Variants in SLC36A2 observed in about 807,000 individuals in gnomAD.
The protein encoded by SLC36A2 is solute carrier family 36 member 2.
A neutral mutation model predicts 42.7 loss-of-function variants in SLC36A2; 39 were observed. The observed-to-expected ratio is 0.91, with a 90% confidence interval of 0.71 to 1.19. The LOEUF (loss-of-function observed/expected upper bound fraction) is 1.19. Ranked by LOEUF, SLC36A2 falls within the 50% of genes most tolerant of loss-of-function variation. The pLI, the probability that SLC36A2 is intolerant of heterozygous loss-of-function variation, is 0.00. For missense variants in SLC36A2, 590 were observed against 613.7 expected (o/e 0.96, Z 0.41); for synonymous variants, 237 against 240.8 (o/e 0.98, Z 0.15).
rs933007460 is a variant in SLC36A2, at chr5:151,316,713, C to A, written c.*104G>T. 6 of 1,367,910 alleles carry A rather than the reference C, an allele frequency of 4.4e-6. No individual in the cohort carries two copies. Among genetic ancestry groups the A allele is most frequent in the African/African-American group, 3.6e-5 (2 of 55,470 alleles). The allele number at this position is 1,367,910 out of a possible 1,614,324, so 84.7% of individuals were successfully genotyped here. A position where few individuals can be genotyped will look rare whatever the true frequency, so the allele number is the denominator to read the frequency against. On this transcript the variant is annotated 3_prime_UTR_variant, in exon 10 of 10. Transcript: ENST00000335244. The stretch of plus-strand genomic sequence containing the variant: ...TGAGATCGCATCATTGTACTCCAGT[C>A]TGGGCAACAAGACAGAAACTCCGTC...
chr5:151,319,844 T>A (rs1042494635), intron 9 of SLC36A2: 1 of 152,404 alleles, frequency 6.6e-6, no homozygotes. Context: ...TCGAGGAATA[T>A]GCAGCTTGAG....
At chr5:151,323,924 G>A (rs1755777397) in intron 8 of SLC36A2, among the ~76,000 whole-genome samples, 2 of 152,140 alleles carry the variant, frequency 1.3e-5, no homozygotes, top group Non-Finnish European at 2.9e-5. Flanking sequence ...AGGCAAATTA[G>A]GTCTCCAAGG....
At chr5:151,321,693 T>C (rs1755695734) in intron 9 of SLC36A2, among the ~76,000 whole-genome samples, 1 of 150,696 alleles carries the variant, frequency 6.6e-6, no homozygotes, top group African/African-American at 2.4e-5. Flanking sequence ...TTTTTTTTTT[T>C]TTTTGAGATG....
At chr5:151,345,509 T>C (rs946044786) in intron 1 of SLC36A2, among the ~76,000 whole-genome samples, 9 of 152,082 alleles carry the variant, frequency 5.9e-5, no homozygotes, top group Admixed American at 2.0e-4. Context: ...GCTTCCTGAG[T>C]CTCTGTACAT....
rs1243767362 is a variant in SLC36A2 at position 151,315,748 on chromosome 5, C to G, written c.*1069G>C. ...CACATTATCACGAGGAATTTATGGT[C>G]ATTTTTGCAATATTCTACAAAATCT... On this transcript the variant is annotated 3_prime_UTR_variant, in exon 10 of 10. Coordinates refer to ENST00000335244, the MANE Select transcript of SLC36A2 (RefSeq NM_181776.3). 1 of 152,146 alleles carries G rather than the reference C, an allele frequency of 6.6e-6. No homozygotes were observed. Among genetic ancestry groups the G allele is most frequent in the Non-Finnish European group, 1.5e-5 (1 of 68,004 alleles). 9.4% of individuals were successfully genotyped at this position (152,146 alleles called of 1,614,324 possible).
Position 151,316,784 on chromosome 5 carries a change from T to C in SLC36A2, c.*33A>G. ...AAAAAGAGATCCATATAATTAAAAGTCGGGTGCTGGTAGGCAAGGAGCAGT... is the reference window on the plus strand; with the variant it reads ...AAAAAGAGATCCATATAATTAAAAGCCGGGTGCTGGTAGGCAAGGAGCAGT... On this transcript the variant is annotated 3_prime_UTR_variant, in exon 10 of 10. Coordinates refer to ENST00000335244, the MANE Select transcript of SLC36A2 (RefSeq NM_181776.3). The C allele has an allele frequency of 7.2e-7, 1 of 1,387,994 alleles. No individual in the cohort carries two copies. The highest frequency in any genetic ancestry group is 2.7e-5 in the East Asian group (1 of 36,830). 86.0% of individuals were successfully genotyped at this position (1,387,994 alleles called of 1,614,324 possible).
At chr5:151,338,113 T>C (rs978223295) in intron 5 of SLC36A2, among the ~76,000 whole-genome samples, 1 of 152,232 alleles carries the variant, frequency 6.6e-6, no homozygotes, top group African/African-American at 2.4e-5. Context: ...ATGGAAAGCA[T>C]GTAAAATGCT....
chr5:151,335,579 A>G, intron 5 of SLC36A2, 32 bp from the exon 6 acceptor site: 1 of 1,472,060 alleles, frequency 6.8e-7, no homozygotes, highest in Non-Finnish European at 9.5e-7. Flanking sequence ...CAAAAGGGGG[A>G]GATGATGAGT....
chr5:151,320,921 A>G (rs535372477), intron 9 of SLC36A2, among the ~76,000 whole-genome samples: 1 of 152,218 alleles, frequency 6.6e-6, no homozygotes, highest in African/African-American at 2.4e-5. Context: ...CACTGGCTCT[A>G]GACTTACATG....
At chr5:151,321,976 C>T in intron 9 of SLC36A2, 70 bp downstream of exon 9, 1 of 1,595,572 alleles carries the variant, frequency 6.3e-7, no homozygotes, top group Non-Finnish European at 8.6e-7. Flanking sequence ...ATGCATCCGG[C>T]CCATCTGGCT....
At chr5:151,333,087 G>A (rs554912335) in intron 7 of SLC36A2, 137 bp downstream of exon 7, 2 of 774,454 alleles carry the variant, frequency 2.6e-6, no homozygotes, top group Admixed American at 4.0e-5. Flanking sequence ...AAGGCCAGAG[G>A]TTACTTTCTC....
intron 7 of SLC36A2, among the ~76,000 whole-genome samples, chr5:151,331,592 A>C (rs749791701): frequency 1.3e-5 from 2 of 152,068 alleles, no homozygotes; most frequent in African/African-American, 4.8e-5. Flanking sequence ...GTTCTGGATT[A>C]AAGGTGTGAG....
At chr5:151,333,949 A>T (rs7711229) in intron 6 of SLC36A2, among the ~76,000 whole-genome samples, 1 of 152,226 alleles carries the variant, frequency 6.6e-6, no homozygotes, top group Non-Finnish European at 1.5e-5. Context: ...GGTGTTGGAA[A>T]TTCCTGTGAC....
chr5:151,342,374 T>C (rs1296131758), intron 4 of SLC36A2, among the ~76,000 whole-genome samples: 1 of 152,168 alleles, frequency 6.6e-6, no homozygotes. Flanking sequence ...AGGTGATTCC[T>C]CATTCTTCAG....
At chr5:151,331,299 C>T (rs1755989621) in intron 7 of SLC36A2, among the ~76,000 whole-genome samples, 1 of 151,924 alleles carries the variant, frequency 6.6e-6, no homozygotes, top group South Asian at 2.1e-4. Flanking sequence ...TTCTTTCTTT[C>T]TTTTTTTCTG....
intron 1 of SLC36A2, 90 bp from the exon 2 acceptor site, chr5:151,344,357 G>T: frequency 9.1e-7 from 1 of 1,097,832 alleles, no homozygotes; most frequent in Non-Finnish European, 1.4e-6. Context: ...GCACCTGATA[G>T]GCGGGCTCCT....
chr5:151,346,039 A>T (rs534203955), intron 1 of SLC36A2, among the ~76,000 whole-genome samples: 1 of 152,280 alleles, frequency 6.6e-6, no homozygotes, highest in East Asian at 1.9e-4. Context: ...TGCCACGCTT[A>T]CTCAGCCCGT....
chr5:151,327,076 A>G lies in SLC36A2; in HGVS notation c.844-1624T>C, dbSNP rs546263744. The stretch of plus-strand genomic sequence containing the variant: ...GCGATCCTCCCACATCGGCCTCCCA[A>G]AGTGCTGGGATTACAGGCGAGAGAC... On this transcript the variant is annotated intron_variant, in intron 7 of 9. Transcript: ENST00000335244. 6.6e-5 allele frequency among the ~76,000 whole-genome samples: 10 copies of G among 152,230 alleles called. No homozygotes were observed. The South Asian group carries it at 2.1e-3, about 32-fold the overall frequency.
chr5:151,326,592 C>T (rs1199193868), intron 7 of SLC36A2, among the ~76,000 whole-genome samples: 1 of 152,170 alleles, frequency 6.6e-6, no homozygotes, highest in Admixed American at 6.5e-5. Flanking sequence ...CAAGTTGAGG[C>T]CAGTCTGCCT....
Sources: allele counts gnomAD v4.1 joint callset (sites outside exome capture counted in the v4.1 genomes callset), GRCh38; gene constraint gnomAD v4.1.1; transcripts MANE v1.5; gene names NCBI Gene and HGNC (gene_info 2026-07-23, HGNC 2026-07-21).